The following STK32C variants were observed in gnomAD, a reference collection of about 807,000 sequenced individuals.
The protein encoded by STK32C is serine/threonine-protein kinase 32C.
A neutral mutation model predicts 56.5 loss-of-function variants in STK32C; 31 were observed. The ratio of observed to expected loss-of-function variants is 0.55; its 90% confidence interval spans 0.41 to 0.74. STK32C has a LOEUF of 0.74. Among genes scored for constraint, STK32C ranks in the 30% least tolerant of loss-of-function variants. The pLI, the probability that STK32C is intolerant of heterozygous loss-of-function variation, is 0.00. For missense variants in STK32C, 544 were observed against 676.9 expected, an observed-to-expected ratio of 0.80 and a Z score of 2.18; for synonymous variants, 309 against 289.4, an observed-to-expected ratio of 1.07 and a Z score of -0.69.
intron 1 of STK32C, among the ~76,000 whole-genome samples, chr10:132,305,485 G>A (rs55708186): frequency 0.037 from 5,562 of 152,226 alleles, 155 homozygotes; most frequent in Middle Eastern, 0.078. Context: ...CATAGCAACC[G>A]TGCAGATTCA....
downstream of STK32C, among the ~76,000 whole-genome samples, chr10:132,321,000 C>T (rs577558135): frequency 1.3e-5 from 2 of 152,276 alleles, no homozygotes; most frequent in East Asian, 3.9e-4. Flanking sequence ...TGCACCTCAC[C>T]ATCCTGGGAC....
chr10:132,260,102 T>C (rs375036078), intron 1 of STK32C, among the ~76,000 whole-genome samples: 6 of 150,772 alleles, frequency 4.0e-5, no homozygotes, highest in African/African-American at 1.5e-4. Context: ...ACCCTGATGA[T>C]GTTGAGAGAG....
At chr10:132,209,347 G>C in intron 10 of STK32C, 1 of 706,352 alleles carries the variant, frequency 1.4e-6, no homozygotes, top group Non-Finnish European at 2.6e-6. Flanking sequence ...TGGATGGCTT[G>C]GACTTGCTCC....
intron 10 of STK32C, among the ~76,000 whole-genome samples, chr10:132,221,571 C>A (rs2062652575): frequency 7.0e-6 from 1 of 142,492 alleles, no homozygotes; most frequent in South Asian, 2.3e-4. Flanking sequence ...CATCCCCGCA[C>A]ACACAACTGA....
At chr10:132,234,749 G>A (rs1363399016) in intron 2 of STK32C, among the ~76,000 whole-genome samples, 2 of 152,210 alleles carry the variant, frequency 1.3e-5, no homozygotes, top group Non-Finnish European at 2.9e-5. Flanking sequence ...TGGCTCTCAT[G>A]AGCTGCTGGG....
At chr10:132,224,787 G>A (rs1352076598) in intron 7 of STK32C, among the ~76,000 whole-genome samples, 6 of 152,162 alleles carry the variant, frequency 3.9e-5, no homozygotes, top group African/African-American at 4.8e-5. Flanking sequence ...GCCCCAGAGG[G>A]CCAGGAGGGA....
intron 1 of STK32C, among the ~76,000 whole-genome samples, chr10:132,266,665 G>A (rs12783892): frequency 0.22 from 33,816 of 151,850 alleles, 4,649 homozygotes; most frequent in Non-Finnish European, 0.32. Flanking sequence ...CCTGGGGGAG[G>A]AACGAGCCAG....
intron 2 of STK32C, among the ~76,000 whole-genome samples, chr10:132,239,482 G>A (rs567171182): frequency 6.6e-6 from 1 of 152,324 alleles, no homozygotes; most frequent in South Asian, 2.1e-4. Flanking sequence ...AGTCCCCAGG[G>A]GCACCGCACA....
At chr10:132,235,392 A>C (rs1221359616) in intron 2 of STK32C, among the ~76,000 whole-genome samples, 1 of 145,004 alleles carries the variant, frequency 6.9e-6, no homozygotes, top group Non-Finnish European at 1.5e-5. Context: ...GCTTCTCGGG[A>C]GGCTGAGGCA....
intron 1 of STK32C, among the ~76,000 whole-genome samples, chr10:132,316,108 A>G (rs1440000477): frequency 6.6e-6 from 1 of 152,354 alleles, no homozygotes; most frequent in East Asian, 1.9e-4. Context: ...GAAGCTAAAA[A>G]AACCATTCCA....
chr10:132,226,759 C>T, intron 4 of STK32C, 36 bp downstream of exon 4: 9 of 1,601,596 alleles, frequency 5.6e-6, no homozygotes, highest in Non-Finnish European at 7.7e-6. Context: ...CCCCGCCCAC[C>T]TCAGCAGGTA....
intron 1 of STK32C, among the ~76,000 whole-genome samples, chr10:132,293,228 C>G (rs148767722): frequency 1.3e-5 from 2 of 152,126 alleles, no homozygotes; most frequent in Non-Finnish European, 2.9e-5. Flanking sequence ...GAGTGGCCAT[C>G]GCTACTCTCA....
intron 10 of STK32C, among the ~76,000 whole-genome samples, chr10:132,211,885 C>T (rs2062313292): frequency 6.6e-6 from 1 of 152,120 alleles, no homozygotes; most frequent in South Asian, 2.1e-4. Flanking sequence ...CTGGCATCTC[C>T]CATCCCGAGA....
chr10:132,262,753 C>CAAAA (rs34135037), intron 1 of STK32C, among the ~76,000 whole-genome samples: 40 of 73,180 alleles, frequency 5.5e-4, no homozygotes, highest in Non-Finnish European at 7.9e-4. Flanking sequence ...GACTCCATCT[C>CAAAA]AAAAAAAAAA....
chr10:132,267,654 C>CGTGTGT (rs1565128847), intron 1 of STK32C, among the ~76,000 whole-genome samples: 16 of 130,654 alleles, frequency 1.2e-4, no homozygotes, highest in Admixed American at 3.0e-4. Flanking sequence ...TGTCCCACAT[C>CGTGTGT]ATGTGTGTGT....
chr10:132,253,620 C>G (rs1261518809), intron 1 of STK32C, among the ~76,000 whole-genome samples: 6 of 147,824 alleles, frequency 4.1e-5, no homozygotes, highest in South Asian at 2.2e-4. Flanking sequence ...GCCGAGGGAG[C>G]TGGAGGGAGC....
chr10:132,331,004 C>A (rs1214527115), intron 1 of STK32C, among the ~76,000 whole-genome samples: 2 of 150,900 alleles, frequency 1.3e-5, no homozygotes, highest in Non-Finnish European at 3.0e-5. Context: ...AGATCGAGAC[C>A]AGCCTGGCCA....
At chr10:132,295,832 G>A (rs924189074) in intron 1 of STK32C, among the ~76,000 whole-genome samples, 6 of 151,566 alleles carry the variant, frequency 4.0e-5, no homozygotes, top group South Asian at 2.1e-4. Flanking sequence ...GCAGTGAGCC[G>A]AGGTTGTGCC....
chr10:132,291,260 C>A (rs1350933994), intron 1 of STK32C, among the ~76,000 whole-genome samples: 1 of 152,204 alleles, frequency 6.6e-6, no homozygotes, highest in African/African-American at 2.4e-5. Context: ...AGGTTTCCTG[C>A]GATCCACTGC....
Sources: gnomAD v4.1 joint callset for allele counts (sites outside exome capture counted in the v4.1 genomes callset) on GRCh38, gnomAD v4.1.1 for gene constraint, MANE v1.5 for transcripts, NCBI Gene and HGNC (gene_info 2026-07-23, HGNC 2026-07-21) for gene names.